GTPBP1: variants seen among roughly 807,000 people sequenced by gnomAD.
GTPBP1 encodes GTP binding protein 1.
GTPBP1 carries 23 observed loss-of-function variants against 62.0 expected under a neutral mutation model. The observed-to-expected ratio is 0.37, with a 90% confidence interval of 0.27 to 0.53. GTPBP1 has a LOEUF of 0.53. Among genes scored for constraint, GTPBP1 ranks in the 20% least tolerant of loss-of-function variants. GTPBP1 has a pLI of 0.89. For synonymous variants in GTPBP1, 344 were observed against 364.4 expected, an observed-to-expected ratio of 0.94 and a Z score of 0.64; for missense variants, 640 against 917.3, an observed-to-expected ratio of 0.70 and a Z score of 3.90.
chr22:38,739,396 G>A, downstream of GTPBP1: 1 of 1,613,158 alleles, frequency 6.2e-7, no homozygotes, highest in Non-Finnish European at 8.5e-7. The surrounding 1 kb of genome is among the most constrained non-coding windows in gnomAD (Gnocchi z 6.7). Flanking sequence ...CTGTAGCGCT[G>A]CAGGGCCTGC....
intron 10 of GTPBP1, chr22:38,728,419 T>G: frequency 2.1e-6 from 1 of 472,504 alleles, no homozygotes; most frequent in Non-Finnish European, 3.9e-6. Context: ...ACAGAATGTC[T>G]GGGCCCAGCC....
chr22:38,721,816 C>T lies in GTPBP1; in HGVS notation c.909C>T (p.Val303=). 2 of 1,612,232 alleles carry T rather than the reference C, an allele frequency of 1.2e-6. No individual in the cohort carries two copies. Among genetic ancestry groups the T allele is most frequent in the Non-Finnish European group, 1.7e-6 (2 of 1,178,492 alleles). ...TGGCACTGGCACTCAATGTACCTGT[C>T]TTTGTGGTAGTCACCAAGATTGACA... is the stretch of plus-strand genomic sequence containing the variant. The part of the protein sequence containing the change: ...LGLALALNVP[V]FVVVTKIDMC... Residue 303 remains valine, a synonymous_variant, in exon 5 of 12, where the codon GTC becomes GTT. Coordinates refer to ENST00000216044, the MANE Select transcript of GTPBP1 (RefSeq NM_004286.5).
At chr22:38,722,940 G>C (rs997946137) in intron 5 of GTPBP1, 6 of 974,322 alleles carry the variant, frequency 6.2e-6, no homozygotes, top group Non-Finnish European at 1.0e-5. Context: ...GACTCCATTG[G>C]GGTCAGTTAT....
At position 38,730,634 on chromosome 22, in the gene GTPBP1, G is replaced by A. The variant is rs554177869; in HGVS notation, c.1940G>A (p.Arg647Gln). Residue 647 changes from arginine (R) to glutamine (Q), a missense_variant, in exon 12 of 12, where the codon CGG becomes CAG. Arg to Gln is a conservative substitution (Grantham distance 43, BLOSUM62 1). Transcript: ENST00000216044. The surrounding 1 kb of genome is among the most constrained non-coding windows in gnomAD (Gnocchi z 5.6). ...QPQPKPSSGG[R>Q]RRGGQRHKVK... The stretch of plus-strand genomic sequence containing the variant: ...CAGCCTAAGCCCAGCAGTGGAGGCC[G>A]GCGACGAGGGGGCCAGCGCCACAAG... 6.9e-6 allele frequency: 11 copies of A among 1,605,654 alleles called. No individual in the cohort carries two copies. The highest frequency in any genetic ancestry group is 3.3e-5 in the Admixed American group (2 of 59,996).
At chr22:38,708,142 A>G (rs927921779) in intron 1 of GTPBP1, among the ~76,000 whole-genome samples, 19 of 152,202 alleles carry the variant, frequency 1.2e-4, no homozygotes, top group Non-Finnish European at 2.4e-4. Context: ...AGATTGAAAA[A>G]CTGAAACTCA....
intron 5 of GTPBP1, chr22:38,722,861 C>T: frequency 6.8e-7 from 1 of 1,481,296 alleles, no homozygotes; most frequent in Non-Finnish European, 9.4e-7. Flanking sequence ...ACTGGAACGC[C>T]TTCACCAAGT....
chr22:38,736,695 C>T (rs186594166), downstream of GTPBP1: 4 of 218,000 alleles, frequency 1.8e-5, no homozygotes, highest in Non-Finnish European at 3.7e-5. Context: ...ATGTGGGGCA[C>T]ACTTGATTCT....
downstream of GTPBP1, chr22:38,742,204 T>C (rs1226467931): frequency 3.4e-6 from 5 of 1,451,592 alleles, no homozygotes; most frequent in Non-Finnish European, 4.6e-6. Flanking sequence ...CAGAGCTGTC[T>C]GATCCCAAAT....
downstream of GTPBP1, chr22:38,742,625 G>A (rs910662554): frequency 2.4e-5 from 37 of 1,521,660 alleles, no homozygotes; most frequent in African/African-American, 5.5e-5. Flanking sequence ...AGACCACCCC[G>A]ACACAGCCAA....
downstream of GTPBP1, chr22:38,739,798 C>T (rs570008595): frequency 1.9e-6 from 3 of 1,613,668 alleles, no homozygotes; most frequent in South Asian, 3.3e-5. This position sits in a 1 kb window ranked among gnomAD's most constrained non-coding sequence, Gnocchi z 6.7. Flanking sequence ...GGCCGACTTG[C>T]CCTGCATCTC....
chr22:38,713,745 A>G (rs778518704), intron 2 of GTPBP1, among the ~76,000 whole-genome samples: 5 of 152,166 alleles, frequency 3.3e-5, no homozygotes, highest in African/African-American at 4.8e-5. Flanking sequence ...ACCTCATAAG[A>G]TTACAGTGAG....
rs193190760 is a variant in GTPBP1, at chr22:38,716,874, G to A, written c.708G>A (p.Glu236=). ...NKPDSHGGSL[E]WTKICEKSTK... is the part of the protein sequence containing the mutation. The stretch of plus-strand genomic sequence containing the variant: ...CTGACAGCCACGGCGGCAGCCTGGA[G>A]TGGACCAAGATCTGTGAGAAGTCCA... Residue 236 remains glutamate, a synonymous_variant, in exon 4 of 12, where the codon GAG becomes GAA. Transcript: ENST00000216044. This position sits in a 1 kb window ranked among gnomAD's most constrained non-coding sequence, Gnocchi z 5.2. 2.5e-5 allele frequency: 40 copies of A among 1,614,130 alleles called. No homozygotes were observed. The African/African-American group carries it at 4.9e-4, about 20-fold the overall frequency.
rs2092670973 is a variant in GTPBP1, at chr22:38,716,446, G to C, written c.486-206G>C. On this transcript the variant is annotated intron_variant, in intron 3 of 11. Coordinates refer to ENST00000216044, the MANE Select transcript of GTPBP1 (RefSeq NM_004286.5). This position sits in a 1 kb window ranked among gnomAD's most constrained non-coding sequence, Gnocchi z 5.2. ...GTGGGAGTTAAGGGAGATAGCCGCT[G>C]TGGGAGTCTGGGCCCTTCTGATGAC... 2.6e-5 allele frequency among the ~76,000 whole-genome samples: 4 copies of C among 152,182 alleles called. No homozygotes were observed. The highest frequency in any genetic ancestry group is 4.8e-5 in the African/African-American group (2 of 41,440).
chr22:38,708,293 C>T (rs896099643), intron 1 of GTPBP1, among the ~76,000 whole-genome samples: 2 of 152,314 alleles, frequency 1.3e-5, no homozygotes, highest in South Asian at 2.1e-4. Context: ...TAATACTCCT[C>T]GTAGTGGTAA....
intron 10 of GTPBP1, chr22:38,728,525 T>A: frequency 3.7e-6 from 1 of 267,484 alleles, no homozygotes; most frequent in Non-Finnish European, 7.5e-6. Context: ...TTGGAGTAAG[T>A]GCAGGGGGTT....
At chr22:38,706,192 T>A in intron 1 of GTPBP1, 45 bp downstream of exon 1, 1 of 1,178,490 alleles carries the variant, frequency 8.5e-7, no homozygotes, top group Non-Finnish European at 1.1e-6. Context: ...AGCGGGCGGC[T>A]GGCCGAGCAG....
At chr22:38,719,280 T>G (rs527457952) in intron 4 of GTPBP1, among the ~76,000 whole-genome samples, 7 of 152,294 alleles carry the variant, frequency 4.6e-5, no homozygotes, top group South Asian at 4.1e-4. Flanking sequence ...GTGCTGAGAT[T>G]ATAGGCGTGA....
intron 2 of GTPBP1, among the ~76,000 whole-genome samples, chr22:38,711,229 A>G (rs1261344453): frequency 1.3e-5 from 2 of 152,222 alleles, no homozygotes; most frequent in Non-Finnish European, 2.9e-5. Context: ...AATTTTGTAT[A>G]GATAAATAAG....
chr22:38,728,216 T>C (rs1406215301), intron 10 of GTPBP1, 55 bp downstream of exon 10: 129 of 1,273,600 alleles, frequency 1.0e-4, no homozygotes, highest in Non-Finnish European at 1.3e-4. Context: ...GCCACTCCTG[T>C]TCTGTGACCC....
Sources: gnomAD v4.1 joint callset for allele counts (sites outside exome capture counted in the v4.1 genomes callset) on GRCh38, gnomAD v4.1.1 for gene constraint, Gnocchi (gnomAD v3.1) non-coding constraint, MANE v1.5 for transcripts, NCBI Gene and HGNC (gene_info 2026-07-23, HGNC 2026-07-21) for gene names.